Variants in BPIFA3 observed in about 807,000 individuals in gnomAD.
BPIFA3 encodes BPI fold-containing family A member 3.
Under a neutral mutation model 29.7 loss-of-function variants are expected in BPIFA3, and 32 were observed. The ratio of observed to expected loss-of-function variants is 1.08; its 90% CI spans 0.81 to 1.45. The LOEUF is 1.45. Among genes scored for constraint, BPIFA3 ranks in the 40% most tolerant of loss-of-function variants. The pLI is 0.00. For missense variants in BPIFA3, 323 were observed against 311.3 expected, an observed-to-expected ratio of 1.04 and a Z score of -0.28; for synonymous variants, 112 against 113.7, an observed-to-expected ratio of 0.98 and a Z score of 0.10.
chr20:33,224,001 A>G (rs368243316), intron 2 of BPIFA3, 40 bp downstream of exon 2: 1 of 1,607,140 alleles, frequency 6.2e-7, no homozygotes, highest in South Asian at 1.1e-5. Context: ...GGAACTCTTT[A>G]TAGAGCTCTA....
rs774006495 is a variant in BPIFA3, at chr20:33,227,610, C to A, written c.758C>A (p.Pro253His). Residue 253 changes from proline to histidine, a missense_variant, in exon 7 of 7, where the codon CCC (proline) becomes CAC (histidine). By Grantham distance (77) the Pro-to-His change is moderately conservative (BLOSUM62 -2). Coordinates refer to ENST00000375454, the MANE Select transcript of BPIFA3 (RefSeq NM_178466.5). ...QPSACQAGES[P>H]S ...TCTGCATGCCAGGCTGGAGAGTCCC[C>A]CAGCTGACTTCTGCTGATCAGAAGG... 1 of 1,613,862 alleles carries A rather than the reference C, an allele frequency of 6.2e-7. No individual in the cohort carries two copies. The highest frequency in any genetic ancestry group is 1.7e-5 in the Admixed American group (1 of 60,022).
intron 6 of BPIFA3, among the ~76,000 whole-genome samples, 174 bp from the exon 7 acceptor site, chr20:33,227,364 C>G (rs1985832060): frequency 6.6e-6 from 1 of 152,224 alleles, no homozygotes; most frequent in Admixed American, 6.5e-5. Flanking sequence ...AGCTCACAGA[C>G]TAGTGAAGTG....
chr20:33,224,575 C>A, intron 3 of BPIFA3, 113 bp downstream of exon 3: 2 of 899,418 alleles, frequency 2.2e-6, no homozygotes, highest in Non-Finnish European at 3.5e-6. Flanking sequence ...TCCAAAGCCA[C>A]TTGCTGTGTG....
At chr20:33,221,534 C>T (rs138726924) in intron 1 of BPIFA3, among the ~76,000 whole-genome samples, 4 of 152,194 alleles carry the variant, frequency 2.6e-5, no homozygotes, top group Admixed American at 6.5e-5. Context: ...ACTTTCTTTT[C>T]TTGGTACTGT....
rs887887978 is a variant in BPIFA3 at position 33,223,847 on chromosome 20, G to T, written c.164G>T (p.Ser55Ile). Residue 55 changes from serine (S) to isoleucine (I), a missense_variant, in exon 2 of 7, where the codon AGC becomes ATC. Physicochemically the swap from Ser to Ile is moderately radical, Grantham distance 142 (BLOSUM62 -2). Transcript: ENST00000375454. ...GGCCTCATAAAGCACAACGCAGAAA[G>T]CCGAATTCAGAACATCCACTTTGGG... is the stretch of plus-strand genomic sequence containing the variant. ...AQGLIKHNAE[S>I]RIQNIHFGDR... The T allele has an allele frequency of 6.2e-7, 1 of 1,614,024 alleles. No homozygotes were observed. The highest frequency in any genetic ancestry group is 8.5e-7 in the Non-Finnish European group (1 of 1,179,980).
At position 33,227,663 on chromosome 20, in the gene BPIFA3, T is replaced by C; in HGVS notation, c.*46T>C. 4 of 1,519,516 alleles carry C rather than the reference T, an allele frequency of 2.6e-6. No individual in the cohort carries two copies. Among genetic ancestry groups the C allele is most frequent in the Non-Finnish European group, 3.7e-6 (4 of 1,094,732 alleles). 94.1% of individuals were successfully genotyped at this position (1,519,516 alleles called of 1,614,324 possible). On this transcript the variant is annotated 3_prime_UTR_variant, in exon 7 of 7. Transcript: ENST00000375454. ...AGTCCACATCTTGCAACCTTAAGTC[T>C]CCCTTAGAGTGGGGCTTCTGCTACC...
At chr20:33,222,558 G>A (rs544253028) in intron 1 of BPIFA3, among the ~76,000 whole-genome samples, 1 of 80,704 alleles carries the variant, frequency 1.2e-5, no homozygotes, top group Non-Finnish European at 2.7e-5. Flanking sequence ...ATGGACAGAT[G>A]GATGGATGGA....
Position 33,222,671 on chromosome 20 carries a change from A to ATGG in BPIFA3, c.128-1140_128-1139insTGG, listed in dbSNP as rs1568623520. On this transcript the variant is annotated intron_variant, in intron 1 of 6. Coordinates refer to ENST00000375454, the MANE Select transcript of BPIFA3 (RefSeq NM_178466.5). ...GGATGGATGGATGGATGGATGGATG[A>ATGG]GTGGATGGATGGATGGATGAGCGGA... Among the ~76,000 whole-genome samples, 37 of 102,004 alleles carry ATGG rather than the reference A, an allele frequency of 3.6e-4. 2 individuals are homozygous for ATGG. Among genetic ancestry groups the ATGG allele is most frequent in the African/African-American group, 1.9e-3 (37 of 19,588 alleles). 66.9% of individuals were successfully genotyped at this position (102,004 alleles called of 152,430 possible).
intron 6 of BPIFA3, 69 bp downstream of exon 6, chr20:33,227,062 C>T (rs1985818507): frequency 7.0e-7 from 1 of 1,432,632 alleles, no homozygotes; most frequent in Non-Finnish European, 9.8e-7. Context: ...TACCCCCGGC[C>T]CTGGAGCCCC....
rs967288091 is a variant in BPIFA3 at position 33,226,929 on chromosome 20, G to A, written c.622-1G>A. The A allele has an allele frequency of 2.5e-6, 4 of 1,614,146 alleles. No individual in the cohort carries two copies. The highest frequency in any genetic ancestry group is 3.4e-6 in the Non-Finnish European group (4 of 1,180,000). ...TCCTTCTCTCTGTGCTGATGGTCCAGGTATGTCCTCTGATCGGTGAAATCC... is the reference window on the plus strand; with the variant it reads ...TCCTTCTCTCTGTGCTGATGGTCCAAGTATGTCCTCTGATCGGTGAAATCC... On this transcript the variant is annotated splice_acceptor_variant, in intron 5 of 6. Coordinates refer to ENST00000375454, the MANE Select transcript of BPIFA3 (RefSeq NM_178466.5). LOFTEE classifies it high-confidence loss of function.
rs1247305672 is a variant in BPIFA3 at position 33,226,535 on chromosome 20, A to C, written c.621+45A>C. The C allele has an allele frequency of 1.2e-5, 16 of 1,322,236 alleles. 1 individual carries two copies. The highest frequency in any genetic ancestry group is 1.6e-5 in the Non-Finnish European group (15 of 928,080). 81.9% of individuals were successfully genotyped at this position (1,322,236 alleles called of 1,614,324 possible). On this transcript the variant is annotated intron_variant, in intron 5 of 6. Coordinates refer to ENST00000375454, the MANE Select transcript of BPIFA3 (RefSeq NM_178466.5). ...TGCATCTTGAGCATCCTTGAGTCCG[A>C]GGGTTAGGGCATATATCCACTGGCA...
At chr20:33,225,011 C>G in intron 3 of BPIFA3, 87 bp from the exon 4 acceptor site, 1 of 1,262,252 alleles carries the variant, frequency 7.9e-7, no homozygotes, top group Non-Finnish European at 1.1e-6. Flanking sequence ...TAACGGTGGA[C>G]AGTGCCCGTC....
At chr20:33,222,672 G>GTGGA (rs1187681478) in intron 1 of BPIFA3, among the ~76,000 whole-genome samples, 2 of 112,666 alleles carry the variant, frequency 1.8e-5, no homozygotes, top group African/African-American at 8.8e-5. Context: ...GGATGGATGA[G>GTGGA]TGGATGGATG....
intron 1 of BPIFA3, among the ~76,000 whole-genome samples, chr20:33,220,347 G>A (rs1985455200): frequency 6.8e-6 from 1 of 146,744 alleles, no homozygotes; most frequent in South Asian, 2.2e-4. Flanking sequence ...GCAGTGAGTG[G>A]AGATCATGCC....
chr20:33,219,383 G>C (rs1234907142), intron 1 of BPIFA3, among the ~76,000 whole-genome samples: 2 of 152,096 alleles, frequency 1.3e-5, no homozygotes, highest in Non-Finnish European at 2.9e-5. Context: ...TAACTTTGTA[G>C]GTCCTTCACT....
chr20:33,225,221 C>T lies in BPIFA3; in HGVS notation c.510C>T (p.Ser170=), dbSNP rs762995342. The T allele has an allele frequency of 5.0e-6, 8 of 1,614,058 alleles. No individual in the cohort carries two copies. Among genetic ancestry groups the T allele is most frequent in the Non-Finnish European group, 5.1e-6 (6 of 1,180,032 alleles). The change falls in exon 4 of 7, where the codon AGC becomes AGT. Residue 170 remains serine (S), a synonymous_variant. Coordinates refer to ENST00000375454, the MANE Select transcript of BPIFA3 (RefSeq NM_178466.5). ...LVIGKCDAEP[S]SVHVAILTEA... ...TAGGCAAATGCGATGCAGAGCCCAG[C>T]AGTGTCCATGTGGCCATCCTCACTG...
At position 33,225,235 on chromosome 20, in the gene BPIFA3, C is replaced by T. The variant is rs749899737; in HGVS notation, c.524C>T (p.Ala175Val). 9 of 1,613,766 alleles carry T rather than the reference C, an allele frequency of 5.6e-6. No individual in the cohort carries two copies. The South Asian group carries it at 8.8e-5, about 16-fold the overall frequency. ...GCAGAGCCCAGCAGTGTCCATGTGG[C>T]CATCCTCACTGAGTAAGACCCCAGC... ...CDAEPSSVHV[A>V]ILTEAIPPKM... The change falls in exon 4 of 7, where the codon GCC becomes GTC. Residue 175 changes from alanine (A) to valine (V), a missense_variant. Transcript: ENST00000375454.
chr20:33,227,718 A>T lies in BPIFA3; in HGVS notation c.*101A>T. The T allele has an allele frequency of 1.1e-6, 1 of 935,316 alleles. No homozygotes were observed. The allele number at this position is 935,316 out of a possible 1,614,324, so 57.9% of individuals were successfully genotyped here. ...AAACTTTACCCCAGGCTCTGTGGAC[A>T]TACCATCCTCTCCTACAATAAACTC... On this transcript the variant is annotated 3_prime_UTR_variant, in exon 7 of 7. Transcript: ENST00000375454.
At position 33,217,433 on chromosome 20, in the gene BPIFA3, T is replaced by A. The variant is rs1227346438; in HGVS notation, c.-104T>A. The stretch of plus-strand genomic sequence containing the variant: ...ATGCTGGGGGCTAATTCTGATGTCA[T>A]CTTTCTGCAGAAAACCATTAGACCA... On this transcript the variant is annotated 5_prime_UTR_variant, in exon 1 of 7. Coordinates refer to ENST00000375454, the MANE Select transcript of BPIFA3 (RefSeq NM_178466.5). The A allele has an allele frequency of 1.7e-5, 24 of 1,425,696 alleles. No individual in the cohort carries two copies. Among genetic ancestry groups the A allele is most frequent in the East Asian group, 2.4e-5 (1 of 41,218 alleles). 88.3% of individuals were successfully genotyped at this position (1,425,696 alleles called of 1,614,324 possible). A position where few individuals can be genotyped will look rare whatever the true frequency, so the allele number is the denominator to read the frequency against.
Sources: gnomAD v4.1 joint callset for allele counts (sites outside exome capture counted in the v4.1 genomes callset) on GRCh38, gnomAD v4.1.1 for gene constraint, MANE v1.5 for transcripts, NCBI Gene and HGNC (gene_info 2026-07-23, HGNC 2026-07-21) for gene names.